Variants in SLC30A8 observed in about 807,000 individuals in gnomAD.
SLC30A8 encodes the protein proton-coupled zinc antiporter SLC30A8.
In SLC30A8, 27 loss-of-function variants were observed where a neutral mutation model predicts 36.9. That is an observed-to-expected ratio of 0.73 (90% CI 0.54 to 1.01). SLC30A8 has a LOEUF of 1.01. SLC30A8 is among the 50% of genes least tolerant of loss of function. The pLI is 0.00. For missense variants in SLC30A8, 439 were observed against 452.0 expected (o/e 0.97, Z 0.26); for synonymous variants, 164 against 172.4 (o/e 0.95, Z 0.38).
rs545290409 is a variant in SLC30A8 at position 117,051,150 on chromosome 8, C to A, written c.-226+11892C>A. The stretch of plus-strand genomic sequence containing the variant: ...AGGATTTCTGGAATGAAAATGGAGC[C>A]AAGAGAAAGGAACAGATTAGGAAGT... On this transcript the variant is annotated intron_variant, in intron 2 of 10. Transcript: ENST00000427715. Among the ~76,000 whole-genome samples the A allele has an allele frequency of 9.2e-5, 14 of 152,176 alleles. No homozygotes were observed. The South Asian group carries it at 2.9e-3, about 32-fold the overall frequency.
intron 2 of SLC30A8, among the ~76,000 whole-genome samples, chr8:117,049,403 T>A (rs1185598631): frequency 1.3e-5 from 2 of 152,208 alleles, no homozygotes; most frequent in East Asian, 3.8e-4. Flanking sequence ...TTCTATTGCC[T>A]CTCCAATGCT....
At chr8:117,025,514 A>G (rs1464150922) in intron 1 of SLC30A8, among the ~76,000 whole-genome samples, 1 of 152,214 alleles carries the variant, frequency 6.6e-6, no homozygotes, top group African/African-American at 2.4e-5. Context: ...TGAGTGAATG[A>G]ATGATTGAAC....
At chr8:117,138,287 A>C (rs890160076) in intron 1 of SLC30A8, among the ~76,000 whole-genome samples, 2 of 151,948 alleles carry the variant, frequency 1.3e-5, no homozygotes, top group Non-Finnish European at 2.9e-5. Flanking sequence ...AAAATTATAA[A>C]AAAGAAATGA....
intron 3 of SLC30A8, 77 bp from the exon 4 acceptor site, chr8:117,157,614 C>A: frequency 1.3e-6 from 2 of 1,535,134 alleles, no homozygotes; most frequent in Admixed American, 1.8e-5. Flanking sequence ...GGCAAAGTGT[C>A]TTATGACTCT....
intron 2 of SLC30A8, among the ~76,000 whole-genome samples, chr8:117,119,089 G>A (rs542889528): frequency 6.6e-6 from 1 of 151,820 alleles, no homozygotes; most frequent in Non-Finnish European, 1.5e-5. Context: ...GACAGTCCAA[G>A]TTTTGATTAC....
At chr8:117,140,407 C>G (rs960606592) in intron 1 of SLC30A8, among the ~76,000 whole-genome samples, 1 of 151,920 alleles carries the variant, frequency 6.6e-6, no homozygotes, top group African/African-American at 2.4e-5. Flanking sequence ...TCAACAAACT[C>G]TAAGAAGAAT....
At chr8:117,130,334 C>T (rs1821076935), upstream of SLC30A8, 1 of 151,890 alleles carries the variant, frequency 6.6e-6, no homozygotes, top group Non-Finnish European at 1.5e-5. Flanking sequence ...CAAATAAAGC[C>T]AGGCCTGGAG....
chr8:116,993,561 T>G (rs1431468274), intron 1 of SLC30A8, among the ~76,000 whole-genome samples: 1 of 151,988 alleles, frequency 6.6e-6, no homozygotes, highest in African/African-American at 2.4e-5. Flanking sequence ...GGAGTTAGCA[T>G]CTAAACCTAA....
At chr8:117,066,292 AG>A (rs1818167583) in intron 2 of SLC30A8, among the ~76,000 whole-genome samples, 1 of 152,136 alleles carries the variant, frequency 6.6e-6, no homozygotes, top group Non-Finnish European at 1.5e-5. Flanking sequence ...CAGTCCAAGG[AG>A]GCTCTCACTC....
At chr8:117,083,044 G>C (rs915092441) in intron 2 of SLC30A8, among the ~76,000 whole-genome samples, 2 of 152,110 alleles carry the variant, frequency 1.3e-5, no homozygotes, top group African/African-American at 4.8e-5. Flanking sequence ...AGCTCCGGAG[G>C]GACATCTCTT....
At chr8:116,968,751 T>A (rs902411079) in intron 1 of SLC30A8, among the ~76,000 whole-genome samples, 2 of 151,982 alleles carry the variant, frequency 1.3e-5, no homozygotes, top group Admixed American at 6.6e-5. Flanking sequence ...ATTTATTTAT[T>A]TTTTGAGATG....
At chr8:116,951,173 AG>A (rs1240567699) in intron 1 of SLC30A8, 5 of 152,202 alleles carry the variant, frequency 3.3e-5, no homozygotes, top group Non-Finnish European at 7.3e-5. Context: ...AAACTTGTAG[AG>A]TAAGGCATCG....
chr8:117,116,644 C>G (rs1276443122), intron 2 of SLC30A8, among the ~76,000 whole-genome samples: 1 of 152,004 alleles, frequency 6.6e-6, no homozygotes, highest in African/African-American at 2.4e-5. Flanking sequence ...ACACATTACT[C>G]CCAGCATGCC....
At chr8:117,019,089 G>T (rs2130719543) in intron 1 of SLC30A8, among the ~76,000 whole-genome samples, 1 of 152,186 alleles carries the variant, frequency 6.6e-6, no homozygotes, top group Admixed American at 6.5e-5. Flanking sequence ...AAAATATTTA[G>T]TCTCTGGCCC....
intron 2 of SLC30A8, among the ~76,000 whole-genome samples, chr8:117,125,312 T>C (rs752300088): frequency 5.9e-5 from 9 of 152,014 alleles, no homozygotes; most frequent in Non-Finnish European, 1.2e-4. Flanking sequence ...TTATCATTCT[T>C]TCTCCATTTT....
chr8:117,120,090 T>C (rs1820626299), intron 2 of SLC30A8, among the ~76,000 whole-genome samples: 2 of 151,916 alleles, frequency 1.3e-5, no homozygotes, highest in Admixed American at 6.6e-5. Flanking sequence ...AAAATTACAA[T>C]GGCATTTTTT....
At chr8:117,018,671 C>T (rs190556960) in intron 1 of SLC30A8, among the ~76,000 whole-genome samples, 1 of 124,360 alleles carries the variant, frequency 8.0e-6, no homozygotes. Flanking sequence ...TAGCCCCCCC[C>T]CCCCTTTTTT....
intron 1 of SLC30A8, among the ~76,000 whole-genome samples, chr8:117,028,550 GTT>G (rs57593485): frequency 2.8e-5 from 4 of 144,206 alleles, no homozygotes; most frequent in African/African-American, 5.1e-5. Context: ...TCTCACCACA[GTT>G]TTTTTTTTTT....
chr8:117,075,056 A>G (rs527691709), intron 2 of SLC30A8, among the ~76,000 whole-genome samples: 1 of 152,186 alleles, frequency 6.6e-6, no homozygotes, highest in Non-Finnish European at 1.5e-5. Flanking sequence ...GCCTTTATGT[A>G]GTGGAAAAGT....
Sources: allele counts gnomAD v4.1 joint callset (sites outside exome capture counted in the v4.1 genomes callset), GRCh38; gene constraint gnomAD v4.1.1; transcripts MANE v1.5; gene names NCBI Gene and HGNC (gene_info 2026-07-23, HGNC 2026-07-21).